Variants in SGIP1 observed in about 807,000 individuals in gnomAD.
The protein encoded by SGIP1 is SH3-containing GRB2-like protein 3-interacting protein 1.
Under a neutral mutation model 107.5 loss-of-function variants are expected in SGIP1, and 38 were observed. The ratio of observed to expected loss-of-function variants is 0.35; its 90% CI spans 0.27 to 0.46. The LOEUF is 0.46. SGIP1 is among the 20% of genes least tolerant of loss of function. The pLI, the probability that SGIP1 is intolerant of heterozygous loss-of-function variation, is 1.00. For missense variants in SGIP1, 929 were observed against 1,019.5 expected (o/e 0.91, Z 1.21); for synonymous variants, 365 against 366.1 (o/e 1.00, Z 0.03).
At chr1:66,559,873 G>T (rs2058687697) in intron 1 of SGIP1, among the ~76,000 whole-genome samples, 1 of 152,050 alleles carries the variant, frequency 6.6e-6, no homozygotes, top group Non-Finnish European at 1.5e-5. Flanking sequence ...ACTTGCTGGA[G>T]CCAGGGAGGA....
At position 66,626,792 on chromosome 1, in the gene SGIP1, C is replaced by T. The variant is rs115661242; in HGVS notation, c.74+882C>T. 1.4e-3 allele frequency among the ~76,000 whole-genome samples: 208 copies of T among 152,204 alleles called. 1 individual carries two copies. The highest frequency in any genetic ancestry group is 4.9e-3 in the African/African-American group (205 of 41,520). Reference sequence around the variant, plus strand: ...TGCAGAACTGATGTAGTTTGCTGTACGTCAGAATCAAGCCCATTATACCCC... The same window carrying T: ...TGCAGAACTGATGTAGTTTGCTGTATGTCAGAATCAAGCCCATTATACCCC... On this transcript the variant is annotated intron_variant, in intron 2 of 24. Coordinates refer to ENST00000371037, the MANE Select transcript of SGIP1 (RefSeq NM_032291.4).
intron 1 of SGIP1, among the ~76,000 whole-genome samples, chr1:66,592,827 G>A (rs2063863849): frequency 6.7e-6 from 1 of 149,300 alleles, no homozygotes; most frequent in Admixed American, 6.7e-5. Flanking sequence ...CATATAGTTG[G>A]AATCATACAG....
At chr1:66,634,108 A>G in intron 3 of SGIP1, 1 of 1,609,760 alleles carries the variant, frequency 6.2e-7, no homozygotes, top group Non-Finnish European at 8.5e-7. Context: ...CAGAAGACTC[A>G]GCTTCTCCTC....
chr1:66,556,888 G>A (rs1344526007), intron 1 of SGIP1, among the ~76,000 whole-genome samples: 1 of 152,098 alleles, frequency 6.6e-6, no homozygotes, highest in Non-Finnish European at 1.5e-5. Flanking sequence ...GTCACTGAAT[G>A]CCAGTTATTT....
At position 66,631,044 on chromosome 1, in the gene SGIP1, G is replaced by GAAGAAAGAAAGAAAGA. The variant is rs373346734; in HGVS notation, c.75-1983_75-1968dup. 8.3e-4 allele frequency among the ~76,000 whole-genome samples: 85 copies of GAAGAAAGAAAGAAAGA among 102,712 alleles called. 2 individuals carry two copies. Among genetic ancestry groups the GAAGAAAGAAAGAAAGA allele is most frequent in the South Asian group, 5.0e-3 (12 of 2,388 alleles). The allele number at this position is 102,712 out of a possible 152,430, so 67.4% of individuals were successfully genotyped here. A position where few individuals can be genotyped will look rare whatever the true frequency, so the allele number is the denominator to read the frequency against. ...AAAGGAAAGGAAGGAAGGAAGAAAG[G>GAAGAAAGAAAGAAAGA]AAGAAAGAAAGAAAGAAAGAAAGAA... On this transcript the variant is annotated intron_variant, in intron 2 of 24. Transcript: ENST00000371037.
chr1:66,670,829 CTG>C (rs994555187), intron 9 of SGIP1, among the ~76,000 whole-genome samples, 164 bp from the exon 10 acceptor site: 2 of 152,130 alleles, frequency 1.3e-5, no homozygotes, highest in African/African-American at 4.8e-5. Flanking sequence ...AAACTGATTT[CTG>C]TGTGTGTATC....
At chr1:66,593,488 C>G (rs911059152) in intron 1 of SGIP1, among the ~76,000 whole-genome samples, 3 of 152,198 alleles carry the variant, frequency 2.0e-5, no homozygotes, top group Non-Finnish European at 2.9e-5. Flanking sequence ...TGTCATAGCA[C>G]TTACTACAAC....
chr1:66,603,168 A>AATAGAATGTTCAG (rs1470301060), intron 1 of SGIP1, among the ~76,000 whole-genome samples: 1 of 152,194 alleles, frequency 6.6e-6, no homozygotes, highest in Non-Finnish European at 1.5e-5. Context: ...AAGAGAAAGA[A>AATAGAATGTTCAG]ATAGAATGTT....
chr1:66,617,275 T>C (rs2069584926), intron 1 of SGIP1, among the ~76,000 whole-genome samples: 1 of 152,168 alleles, frequency 6.6e-6, no homozygotes, highest in Admixed American at 6.5e-5. Flanking sequence ...GCATCTCTTA[T>C]ACCCTAGGCA....
intron 7 of SGIP1, among the ~76,000 whole-genome samples, chr1:66,659,847 T>A (rs2080546507): frequency 6.7e-6 from 1 of 149,754 alleles, no homozygotes; most frequent in South Asian, 2.1e-4. Context: ...GAGTTGAGGG[T>A]TTCAGTGAGC....
intron 1 of SGIP1, among the ~76,000 whole-genome samples, chr1:66,583,668 C>G (rs906265364): frequency 6.6e-6 from 1 of 152,072 alleles, no homozygotes; most frequent in Admixed American, 6.6e-5. Flanking sequence ...TTCCTATTCC[C>G]CATTTATTTC....
At chr1:66,658,033 A>G (rs180753926) in intron 7 of SGIP1, among the ~76,000 whole-genome samples, 13 of 152,334 alleles carry the variant, frequency 8.5e-5, no homozygotes, top group African/African-American at 3.1e-4. Context: ...AAAACAACAT[A>G]TTAAATAAAG....
At chr1:66,724,734 C>T (rs1257655657) in intron 19 of SGIP1, among the ~76,000 whole-genome samples, 1 of 152,188 alleles carries the variant, frequency 6.6e-6, no homozygotes, top group African/African-American at 2.4e-5. Flanking sequence ...GCCACCTCCT[C>T]CCCTGTCTGA....
chr1:66,573,407 G>A (rs2060642414), intron 1 of SGIP1, among the ~76,000 whole-genome samples: 1 of 151,988 alleles, frequency 6.6e-6, no homozygotes. Context: ...CTCGTTACTG[G>A]GTATATACCC....
intron 1 of SGIP1, among the ~76,000 whole-genome samples, chr1:66,539,001 C>G (rs2054261322): frequency 6.6e-6 from 1 of 152,170 alleles, no homozygotes; most frequent in Non-Finnish European, 1.5e-5. Flanking sequence ...CAATTTTACC[C>G]TCATACTTGT....
At chr1:66,560,355 C>A (rs1466935684) in intron 1 of SGIP1, among the ~76,000 whole-genome samples, 1 of 152,102 alleles carries the variant, frequency 6.6e-6, no homozygotes, top group Non-Finnish European at 1.5e-5. Context: ...GTTCCGCACT[C>A]TATCCTTGTA....
intron 15 of SGIP1, among the ~76,000 whole-genome samples, chr1:66,684,838 C>T (rs138617222): frequency 1.4e-3 from 217 of 152,242 alleles, no homozygotes; most frequent in African/African-American, 4.6e-3. Flanking sequence ...AGCTTCCATA[C>T]CTTTATTTGA....
chr1:66,599,048 C>T (rs1465758068), intron 1 of SGIP1, among the ~76,000 whole-genome samples: 2 of 152,098 alleles, frequency 1.3e-5, no homozygotes, highest in African/African-American at 4.8e-5. Flanking sequence ...CAACATACCC[C>T]TCATTAGTAA....
In SGIP1 at chr1:66,671,008, G is replaced by C; in HGVS notation, c.497G>C (p.Arg166Thr). ...TTCTAATTCTAGGGTGCAATTAAAAGGAACTTATCCAGTAAGTATATCTTA... is the reference window on the plus strand; with the variant it reads ...TTCTAATTCTAGGGTGCAATTAAAACGAACTTATCCAGTAAGTATATCTTA... ...SPRRSPGAIKRNLSSEEVARP... is the reference protein window; with the variant it reads ...SPRRSPGAIKTNLSSEEVARP... Residue 166 changes from arginine (R) to threonine (T), a missense_variant, in exon 10 of 25, where the codon AGG (arginine) becomes ACG (threonine). Physicochemically the swap from Arg to Thr is moderately conservative, Grantham distance 71. This residue lies in a region of SGIP1 where 588 missense variants were observed against 588.6 expected (regional missense o/e 1.00). Transcript: ENST00000371037. 1 of 1,391,846 alleles carries C rather than the reference G, an allele frequency of 7.2e-7. No individual in the cohort carries two copies. Among genetic ancestry groups the C allele is most frequent in the Non-Finnish European group, 9.9e-7 (1 of 1,006,808 alleles). 86.2% of individuals were successfully genotyped at this position (1,391,846 alleles called of 1,614,324 possible).
Sources: allele counts gnomAD v4.1 joint callset (sites outside exome capture counted in the v4.1 genomes callset), GRCh38; gene constraint gnomAD v4.1.1; regional missense constraint gnomAD v4.1.1; transcripts MANE v1.5; gene names NCBI Gene and HGNC (gene_info 2026-07-23, HGNC 2026-07-21).